BTLA: variants seen among roughly 807,000 people sequenced by gnomAD.
BTLA encodes the protein B- and T-lymphocyte attenuator.
A neutral mutation model predicts 25.0 loss-of-function variants in BTLA; 11 were observed. The observed-to-expected ratio is 0.44, with a 90% CI of 0.28 to 0.73. The LOEUF (loss-of-function observed/expected upper bound fraction) is 0.73. BTLA is among the 30% of genes least tolerant of loss of function. BTLA has a pLI of 0.15. For missense variants in BTLA, 282 were observed against 332.8 expected (o/e 0.85, Z 1.19); for synonymous variants, 104 against 119.8 (o/e 0.87, Z 0.86).
intron 1 of BTLA, among the ~76,000 whole-genome samples, chr3:112,488,323 C>G (rs1030452413): frequency 6.8e-6 from 1 of 147,756 alleles, no homozygotes; most frequent in African/African-American, 2.5e-5. Flanking sequence ...CCCGGGTTCA[C>G]GCCATTCTCC....
At chr3:112,466,994 A>G (rs1264918889) in intron 4 of BTLA, among the ~76,000 whole-genome samples, 1 of 149,968 alleles carries the variant, frequency 6.7e-6, no homozygotes, top group Admixed American at 6.6e-5. Context: ...AGTCTTGCCT[A>G]TAGCCCAGGC....
intron 1 of BTLA, among the ~76,000 whole-genome samples, chr3:112,484,413 G>A (rs979843824): frequency 2.0e-5 from 3 of 152,184 alleles, no homozygotes; most frequent in Non-Finnish European, 2.9e-5. Context: ...CACATTGAGC[G>A]AATTTGATAG....
intron 2 of BTLA, among the ~76,000 whole-genome samples, chr3:112,472,462 C>T (rs761279826): frequency 2.4e-4 from 36 of 151,698 alleles, no homozygotes; most frequent in Admixed American, 1.3e-4. Context: ...TTTGGGAGGC[C>T]GAGGTAGGCG....
chr3:112,497,728 G>T (rs1056454188), intron 1 of BTLA, among the ~76,000 whole-genome samples: 5 of 151,952 alleles, frequency 3.3e-5, no homozygotes, highest in African/African-American at 7.3e-5. Flanking sequence ...GCACTTGGTT[G>T]TGTGGCATCC....
chr3:112,485,695 C>T (rs1246209381), intron 1 of BTLA, among the ~76,000 whole-genome samples: 5 of 152,076 alleles, frequency 3.3e-5, no homozygotes, highest in South Asian at 2.1e-4. Context: ...CCCAAGTAGC[C>T]GGAACCATCA....
chr3:112,478,107 C>T (rs1297271674), intron 2 of BTLA, among the ~76,000 whole-genome samples: 1 of 151,284 alleles, frequency 6.6e-6, no homozygotes, highest in African/African-American at 2.4e-5. Context: ...AATTCTGGGT[C>T]TGTTGCAACT....
intron 1 of BTLA, among the ~76,000 whole-genome samples, chr3:112,495,257 T>G (rs1439832953): frequency 1.3e-5 from 2 of 152,212 alleles, no homozygotes; most frequent in Non-Finnish European, 2.9e-5. Flanking sequence ...GTCCCTGATC[T>G]TAGCCACTAT....
chr3:112,471,091 T>C lies in BTLA; in HGVS notation c.547+121A>G, dbSNP rs920496871. ...TATGAGTTGTCTTCTAGGAAATCATTATCCATGGTTTACAGGATTGGGAAA... is the reference window on the plus strand; with the variant it reads ...TATGAGTTGTCTTCTAGGAAATCATCATCCATGGTTTACAGGATTGGGAAA... On this transcript the variant is annotated intron_variant, in intron 3 of 4. Coordinates refer to ENST00000334529, the MANE Select transcript of BTLA (RefSeq NM_181780.4). 11 of 1,261,330 alleles carry C rather than the reference T, an allele frequency of 8.7e-6. No individual in the cohort carries two copies. In the African/African-American group the frequency reaches 1.4e-4, roughly 16 times the overall value. The allele number at this position is 1,261,330 out of a possible 1,614,324, so 78.1% of individuals were successfully genotyped here.
intron 2 of BTLA, 81 bp downstream of exon 2, chr3:112,479,373 TA>T: frequency 7.3e-7 from 1 of 1,368,226 alleles, no homozygotes; most frequent in Non-Finnish European, 1.0e-6. Flanking sequence ...CTTTCTAACA[TA>T]ATCACTTGAG....
rs1025608995 is a variant in BTLA, at chr3:112,499,339, A to G, written c.20T>C (p.Met7Thr). The G allele has an allele frequency of 1.9e-6, 3 of 1,613,768 alleles. No homozygotes were observed. Among genetic ancestry groups the G allele is most frequent in the Non-Finnish European group, 2.5e-6 (3 of 1,179,910 alleles). The change falls in exon 1 of 5, where the codon ATG (methionine) becomes ACG (threonine). Residue 7 changes from methionine (M) to threonine (T), a missense_variant. Physicochemically the swap from Met to Thr is moderately conservative, Grantham distance 81. This residue lies in a region of BTLA where 163 missense variants were observed against 230.4 expected (regional missense o/e 0.71). Transcript: ENST00000334529. MKTLPA[M>T]LGTGKLFWVF... ...CCAAAATAATTTCCCAGTTCCAAGC[A>G]TGGCAGGCAATGTCTTCATTTCCTG...
chr3:112,482,108 G>T (rs1305293175), intron 1 of BTLA, among the ~76,000 whole-genome samples: 1 of 152,100 alleles, frequency 6.6e-6, no homozygotes, highest in Non-Finnish European at 1.5e-5. Context: ...TTCCAGTAAA[G>T]TTAAGGCTAA....
chr3:112,490,790 T>G (rs2082376156), intron 1 of BTLA, among the ~76,000 whole-genome samples: 1 of 152,082 alleles, frequency 6.6e-6, no homozygotes. Flanking sequence ...CATCTTTTAT[T>G]ATTATTTCCT....
At chr3:112,472,051 TCA>T (rs2082265514) in intron 2 of BTLA, among the ~76,000 whole-genome samples, 1 of 152,156 alleles carries the variant, frequency 6.6e-6, no homozygotes, top group South Asian at 2.1e-4. Flanking sequence ...TCAGAATGCA[TCA>T]CACACACTAG....
At chr3:112,471,468 C>G in intron 2 of BTLA, 113 bp from the exon 3 acceptor site, 2 of 1,167,606 alleles carry the variant, frequency 1.7e-6, no homozygotes, top group South Asian at 1.7e-5. Context: ...GCCAATGCCT[C>G]CATTTCCCCT....
chr3:112,498,406 C>T (rs1216792336), intron 1 of BTLA, among the ~76,000 whole-genome samples: 4 of 151,982 alleles, frequency 2.6e-5, no homozygotes, highest in South Asian at 4.2e-4. Context: ...GCACTCCAGC[C>T]TGGGTGACGA....
At chr3:112,496,095 C>T (rs1278017791) in intron 1 of BTLA, among the ~76,000 whole-genome samples, 1 of 152,158 alleles carries the variant, frequency 6.6e-6, no homozygotes, top group Non-Finnish European at 1.5e-5. Context: ...GATACCCAGA[C>T]ATTAACTGCA....
At chr3:112,485,529 T>C (rs142763158) in intron 1 of BTLA, among the ~76,000 whole-genome samples, 1 of 152,334 alleles carries the variant, frequency 6.6e-6, no homozygotes, top group African/African-American at 2.4e-5. Context: ...TGGCTGTTAC[T>C]CAACTTCCAA....
At chr3:112,484,525 A>C (rs2082335791) in intron 1 of BTLA, among the ~76,000 whole-genome samples, 1 of 152,252 alleles carries the variant, frequency 6.6e-6, no homozygotes, top group African/African-American at 2.4e-5. Context: ...CCACACAAAC[A>C]CACACAACTT....
chr3:112,487,585 CA>C (rs112489701), intron 1 of BTLA, among the ~76,000 whole-genome samples: 411 of 136,618 alleles, frequency 3.0e-3, no homozygotes, highest in Middle Eastern at 3.8e-3. Flanking sequence ...AAATCTGTGT[CA>C]AAAAAAAAAA....
Sources: allele counts gnomAD v4.1 joint callset (sites outside exome capture counted in the v4.1 genomes callset), GRCh38; gene constraint gnomAD v4.1.1; regional missense constraint gnomAD v4.1.1; transcripts MANE v1.5; gene names NCBI Gene and HGNC (gene_info 2026-07-23, HGNC 2026-07-21).